TTYH1: variants seen among roughly 807,000 people sequenced by gnomAD.
TTYH1 encodes the protein protein tweety homolog 1.
In TTYH1, 33 loss-of-function variants were observed where a neutral mutation model predicts 61.2. The ratio of observed to expected loss-of-function variants is 0.54; its 90% CI spans 0.41 to 0.72. TTYH1 has a LOEUF of 0.72. TTYH1 is among the 30% of genes least tolerant of loss of function. TTYH1 has a pLI of 0.00. For missense variants in TTYH1, 538 were observed against 575.8 expected (o/e 0.93, Z 0.67); for synonymous variants, 308 against 266.4 (o/e 1.16, Z -1.52).
chr19:54,431,118 AG>A lies in TTYH1; in HGVS notation c.1054del (p.Glu352ArgfsTer3). On this transcript the variant is annotated frameshift_variant, in exon 10 of 14. Coordinates refer to ENST00000376530, the MANE Select transcript of TTYH1 (RefSeq NM_020659.4). LOFTEE classifies it high-confidence loss of function. ...CCGCAGAAGCCTCTGCTGTCCTTGGAGGAGACTCTGAATGTGACAGAAGGAA... is the reference window on the plus strand; with the variant it reads ...CCGCAGAAGCCTCTGCTGTCCTTGGAGAGACTCTGAATGTGACAGAAGGAA... ...PSAQKPLLSL[E>X]ETLNVTEGNF... 6.2e-7 allele frequency: 1 copy of A among 1,613,726 alleles called. No individual in the cohort carries two copies.
intron 8 of TTYH1, 21 bp downstream of exon 8, chr19:54,430,626 A>C: frequency 1.2e-6 from 2 of 1,613,050 alleles, no homozygotes; most frequent in East Asian, 4.5e-5. Context: ...CGGGCAGGGG[A>C]AACGGGTGTT....
chr19:54,425,162 C>A (rs58709528), intron 4 of TTYH1, among the ~76,000 whole-genome samples: 4 of 152,314 alleles, frequency 2.6e-5, no homozygotes, highest in Non-Finnish European at 5.9e-5. Flanking sequence ...CGATTGGGAG[C>A]GGCAATGGGT....
rs1196150285 is a variant in TTYH1 at position 54,434,965 on chromosome 19, A to C, written c.1126-577A>C. On this transcript the variant is annotated intron_variant, in intron 10 of 13. Transcript: ENST00000376530. The surrounding 1 kb of genome is among the most constrained non-coding windows in gnomAD (Gnocchi z 4.3). Reference sequence around the variant, plus strand: ...GTGGGGCTGCTCAGCACCCCACAACACACAGGGCAGCGCCGTCACCACAGA... The same window carrying C: ...GTGGGGCTGCTCAGCACCCCACAACCCACAGGGCAGCGCCGTCACCACAGA... 1 of 152,442 alleles carries C rather than the reference A, an allele frequency of 6.6e-6. No homozygotes were observed. Among genetic ancestry groups the C allele is most frequent in the Non-Finnish European group, 1.5e-5 (1 of 68,328 alleles). The allele number at this position is 152,442 out of a possible 1,614,324, so 9.4% of individuals were successfully genotyped here.
At chr19:54,428,383 C>T (rs1293385235) in intron 5 of TTYH1, among the ~76,000 whole-genome samples, 1 of 152,006 alleles carries the variant, frequency 6.6e-6, no homozygotes, top group Non-Finnish European at 1.5e-5. Flanking sequence ...GCCACCGTGC[C>T]TGGCCTAAGT....
intron 5 of TTYH1, 39 bp downstream of exon 5, chr19:54,426,807 C>A: frequency 6.4e-7 from 1 of 1,564,632 alleles, no homozygotes; most frequent in Non-Finnish European, 8.8e-7. Flanking sequence ...GCTTGCCTGG[C>A]ACTCTCCTGG....
In TTYH1 at chr19:54,415,645, C is replaced by T; in HGVS notation, c.93C>T (p.Ser31=). The T allele has an allele frequency of 6.4e-7, 1 of 1,566,216 alleles. No homozygotes were observed. The highest frequency in any genetic ancestry group is 2.4e-5 in the East Asian group (1 of 42,314). ...ACTTCCAGCTCCGCCCGGTGCCCAG[C>T]GTTTTCGCGCCCCAAGAGCAGGAAT... The part of the protein sequence containing the change: ...RADFQLRPVP[S]VFAPQEQEYQ... The change falls in exon 1 of 14, where the codon AGC becomes AGT. Residue 31 remains serine (S), a synonymous_variant. Transcript: ENST00000376530. This position sits in a 1 kb window ranked among gnomAD's most constrained non-coding sequence, Gnocchi z 5.2.
rs554077170 is a variant in TTYH1 at position 54,435,814 on chromosome 19, G to A, written c.1269-14G>A. On this transcript the variant is annotated splice_polypyrimidine_tract_variant and intron_variant, in intron 11 of 13. Transcript: ENST00000376530. ...CCATCCCGCCTCTCTGCCATGCCCC[G>A]CATCAAACCCCAGTGACGACTACGA... The A allele has an allele frequency of 3.2e-5, 51 of 1,613,772 alleles. No homozygotes were observed. The highest frequency in any genetic ancestry group is 2.8e-4 in the Admixed American group (17 of 60,022).
intron 8 of TTYH1, 59 bp downstream of exon 8, chr19:54,430,664 G>A (rs2083419423): frequency 5.7e-6 from 9 of 1,588,530 alleles, no homozygotes; most frequent in African/African-American, 1.3e-5. Flanking sequence ...GGACTCTGAA[G>A]GGAGGGGGCG....
intron 7 of TTYH1, 111 bp from the exon 8 acceptor site, chr19:54,430,439 G>A: frequency 8.3e-7 from 1 of 1,198,898 alleles, no homozygotes; most frequent in African/African-American, 1.5e-5. Context: ...CGGGCTCCAG[G>A]GCTGGGCTGA....
chr19:54,416,354 C>T lies in TTYH1; in HGVS notation c.126+676C>T. The T allele has an allele frequency of 4.1e-6, 1 of 244,862 alleles. No individual in the cohort carries two copies. Among genetic ancestry groups the T allele is most frequent in the Non-Finnish European group, 8.4e-6 (1 of 119,604 alleles). 15.2% of individuals were successfully genotyped at this position (244,862 alleles called of 1,614,324 possible). On this transcript the variant is annotated intron_variant, in intron 1 of 13. Transcript: ENST00000376530. The surrounding 1 kb of genome is among the most constrained non-coding windows in gnomAD (Gnocchi z 7.0). ...CAGACCCGGGTCCCGAGGGTGGGGC[C>T]GGTGTGGGAACCTCACAGAAGCCGG...
At chr19:54,428,024 A>G (rs1234972132) in intron 5 of TTYH1, among the ~76,000 whole-genome samples, 1 of 127,618 alleles carries the variant, frequency 7.8e-6, no homozygotes, top group Non-Finnish European at 1.6e-5. Context: ...TGATCCCCCC[A>G]CCTCAGCCTC....
rs1489918271 is a variant in TTYH1, at chr19:54,429,979, G to C, written c.883+22G>C. 1.9e-6 allele frequency: 3 copies of C among 1,609,090 alleles called. No individual in the cohort carries two copies. Among genetic ancestry groups the C allele is most frequent in the South Asian group, 1.1e-5 (1 of 90,958 alleles). ...TCAGGTGATTTCCAAGGGCCCGGTG[G>C]GTCCGCCGGGTTGGGCAGTGCAGGC... On this transcript the variant is annotated intron_variant, in intron 7 of 13. Coordinates refer to ENST00000376530, the MANE Select transcript of TTYH1 (RefSeq NM_020659.4). This position sits in a 1 kb window ranked among gnomAD's most constrained non-coding sequence, Gnocchi z 5.1.
At position 54,415,500 on chromosome 19, in the gene TTYH1, CG is replaced by C; in HGVS notation, c.-51del. ...GCGCCGCCCGCGCCCCGCTCGACTCCGGAGGCTCCCGCAGCCCCGGCGTCCG... is the reference window on the plus strand; with the variant it reads ...GCGCCGCCCGCGCCCCGCTCGACTCCGAGGCTCCCGCAGCCCCGGCGTCCG... On this transcript the variant is annotated 5_prime_UTR_variant, in exon 1 of 14. Coordinates refer to ENST00000376530, the MANE Select transcript of TTYH1 (RefSeq NM_020659.4). This position sits in a 1 kb window ranked among gnomAD's most constrained non-coding sequence, Gnocchi z 5.2. 1.5e-6 allele frequency: 2 copies of C among 1,346,706 alleles called. No individual in the cohort carries two copies. Among genetic ancestry groups the C allele is most frequent in the Non-Finnish European group, 1.9e-6 (2 of 1,056,040 alleles). The allele number at this position is 1,346,706 out of a possible 1,614,324, so 83.4% of individuals were successfully genotyped here.
chr19:54,431,971 G>C (rs1376103045), intron 10 of TTYH1: 1 of 152,114 alleles, frequency 6.6e-6, no homozygotes, highest in African/African-American at 2.4e-5. Context: ...TGTAATCCCA[G>C]CACTTTGGGA....
At position 54,431,465 on chromosome 19, in the gene TTYH1, G is replaced by A. The variant is rs568850438; in HGVS notation, c.1125+274G>A. ...GCTGGGTCCCCATCCCACCCTCCCCGTCCCTTCCTGCCACCTTTTCCTTCC... is the reference window on the plus strand; with the variant it reads ...GCTGGGTCCCCATCCCACCCTCCCCATCCCTTCCTGCCACCTTTTCCTTCC... On this transcript the variant is annotated intron_variant, in intron 10 of 13. Transcript: ENST00000376530. The A allele has an allele frequency of 4.9e-5, 18 of 364,678 alleles. No individual in the cohort carries two copies. The African/African-American group carries it at 7.3e-4, about 15-fold the overall frequency. The allele number at this position is 364,678 out of a possible 1,614,324, so 22.6% of individuals were successfully genotyped here. A position where few individuals can be genotyped will look rare whatever the true frequency, so the allele number is the denominator to read the frequency against.
chr19:54,424,634 G>A (rs2083285929), intron 4 of TTYH1, among the ~76,000 whole-genome samples: 1 of 152,244 alleles, frequency 6.6e-6, no homozygotes, highest in Non-Finnish European at 1.5e-5. Context: ...TAAGGGTGAT[G>A]CCAGGGTGAG....
At position 54,435,642 on chromosome 19, in the gene TTYH1, C is replaced by T. The variant is rs1281243592; in HGVS notation, c.1226C>T (p.Ala409Val). The stretch of plus-strand genomic sequence containing the variant: ...CTGTCTGCAGGAGCGCTGGCCACTG[C>T]CCTCTGCAGCCTGCCCCGAGCCTGG... ...SLLSAGALATALCSLPRAWAL... is the reference protein window; with the variant it reads ...SLLSAGALATVLCSLPRAWAL... Residue 409 changes from alanine to valine, a missense_variant, in exon 11 of 14, where the codon GCC becomes GTC. By Grantham distance (64) the Ala-to-Val change is moderately conservative (BLOSUM62 0). Transcript: ENST00000376530. 6.2e-7 allele frequency: 1 copy of T among 1,611,670 alleles called. No individual in the cohort carries two copies. The highest frequency in any genetic ancestry group is 8.5e-7 in the Non-Finnish European group (1 of 1,179,430).
In TTYH1 at chr19:54,415,779, G is replaced by A. The variant is rs529074037; in HGVS notation, c.126+101G>A. The A allele has an allele frequency of 1.2e-4, 150 of 1,266,470 alleles. 1 individual carries two copies. In the East Asian group the frequency reaches 3.6e-3, roughly 30 times the overall value. 78.5% of individuals were successfully genotyped at this position (1,266,470 alleles called of 1,614,324 possible). On this transcript the variant is annotated intron_variant, in intron 1 of 13. Transcript: ENST00000376530. This position sits in a 1 kb window ranked among gnomAD's most constrained non-coding sequence, Gnocchi z 5.2. ...GGTCACAGATTTCCTGAGCTCCGCC[G>A]GAGGCTGGGGGCCGGCCCGGACTTT...
chr19:54,429,764 G>A lies in TTYH1; in HGVS notation c.808-118G>A. ...GGACTCCTGAGTCTGAGGGAAGAGG[G>A]GCTGGGACCTGGACCCCTGGGTGGG... On this transcript the variant is annotated intron_variant, in intron 6 of 13. Coordinates refer to ENST00000376530, the MANE Select transcript of TTYH1 (RefSeq NM_020659.4). The surrounding 1 kb of genome is among the most constrained non-coding windows in gnomAD (Gnocchi z 5.1). 3 of 850,568 alleles carry A rather than the reference G, an allele frequency of 3.5e-6. No individual in the cohort carries two copies. The South Asian group carries it at 4.6e-5, about 13-fold the overall frequency. The allele number at this position is 850,568 out of a possible 1,614,324, so 52.7% of individuals were successfully genotyped here.
Sources: allele counts gnomAD v4.1 joint callset (sites outside exome capture counted in the v4.1 genomes callset), GRCh38; gene constraint gnomAD v4.1.1; non-coding constraint Gnocchi (gnomAD v3.1); transcripts MANE v1.5; gene names NCBI Gene and HGNC (gene_info 2026-07-23, HGNC 2026-07-21).